PELI2: variants seen among roughly 807,000 people sequenced by gnomAD.
PELI2 encodes the protein E3 ubiquitin-protein ligase pellino homolog 2.
A neutral mutation model predicts 42.3 loss-of-function variants in PELI2; 23 were observed. That is an observed-to-expected ratio of 0.54 (90% CI 0.39 to 0.77). The LOEUF is 0.77. Ranked by LOEUF, PELI2 falls within the 30% of genes least tolerant of loss-of-function variation. The probability of loss-of-function intolerance (pLI) is 0.00; values close to 1 mark genes in which losing one functional copy is unlikely to be tolerated. For missense variants in PELI2, 463 were observed against 553.2 expected (o/e 0.84, Z 1.64); for synonymous variants, 245 against 212.2 (o/e 1.15, Z -1.34).
At chr14:56,176,480 A>G (rs906897353) in intron 1 of PELI2, among the ~76,000 whole-genome samples, 8 of 152,210 alleles carry the variant, frequency 5.3e-5, no homozygotes, top group Non-Finnish European at 1.2e-4. Flanking sequence ...AAAGGCATGC[A>G]GTTAACATAG....
intron 1 of PELI2, among the ~76,000 whole-genome samples, chr14:56,142,235 GACATGCCACTT>G (rs1883938701): frequency 6.6e-6 from 1 of 152,100 alleles, no homozygotes; most frequent in Non-Finnish European, 1.5e-5. Flanking sequence ...ATAGAATCAA[GACATGCCACTT>G]CTTGAATGCT....
intron 1 of PELI2, among the ~76,000 whole-genome samples, chr14:56,162,106 G>A (rs1386346191): frequency 2.6e-5 from 4 of 152,182 alleles, no homozygotes; most frequent in Non-Finnish European, 5.9e-5. Context: ...CCTCAAGCAT[G>A]TGAGTTACAC....
chr14:56,193,673 A>C (rs1886030845), intron 2 of PELI2, among the ~76,000 whole-genome samples: 1 of 152,252 alleles, frequency 6.6e-6, no homozygotes, highest in African/African-American at 2.4e-5. Flanking sequence ...CATATGAGTT[A>C]ATCTCAAATA....
chr14:56,217,786 C>T (rs1886964837), intron 2 of PELI2, among the ~76,000 whole-genome samples: 1 of 152,150 alleles, frequency 6.6e-6, no homozygotes, highest in Non-Finnish European at 1.5e-5. Flanking sequence ...GCCCAACGTG[C>T]TGTCACTTCT....
intron 3 of PELI2, among the ~76,000 whole-genome samples, chr14:56,280,289 T>C (rs1889435671): frequency 6.6e-6 from 1 of 152,076 alleles, no homozygotes; most frequent in South Asian, 2.1e-4. Flanking sequence ...AGTTCTTTTT[T>C]GACAAAGTAC....
chr14:56,243,648 T>A (rs900420052), intron 2 of PELI2, among the ~76,000 whole-genome samples: 3 of 152,230 alleles, frequency 2.0e-5, no homozygotes, highest in African/African-American at 7.2e-5. Context: ...CATTTTTGGG[T>A]CATTATTATT....
chr14:56,223,883 C>G (rs541239665), intron 2 of PELI2, among the ~76,000 whole-genome samples: 1 of 152,080 alleles, frequency 6.6e-6, no homozygotes, highest in Non-Finnish European at 1.5e-5. Flanking sequence ...TTTACCAGTT[C>G]GTGTCATATA....
intron 1 of PELI2, among the ~76,000 whole-genome samples, chr14:56,168,049 C>T (rs976399369): frequency 1.3e-5 from 2 of 152,330 alleles, no homozygotes; most frequent in South Asian, 4.1e-4. Flanking sequence ...TCTGAGCCAC[C>T]TAACGCTGGG....
intron 2 of PELI2, among the ~76,000 whole-genome samples, chr14:56,220,836 C>T (rs1262483266): frequency 1.3e-5 from 2 of 152,118 alleles, no homozygotes; most frequent in East Asian, 1.9e-4. Flanking sequence ...ACTTGTTTGA[C>T]TAAAATTCAG....
intron 2 of PELI2, among the ~76,000 whole-genome samples, chr14:56,232,033 C>A (rs1293790067): frequency 1.3e-5 from 2 of 152,182 alleles, no homozygotes; most frequent in Non-Finnish European, 2.9e-5. Context: ...TTCCTCGACA[C>A]ATACACCCTC....
At chr14:56,138,541 G>T (rs1883769431) in intron 1 of PELI2, among the ~76,000 whole-genome samples, 1 of 152,056 alleles carries the variant, frequency 6.6e-6, no homozygotes, top group East Asian at 1.9e-4. Flanking sequence ...TGAAACGACA[G>T]CTGCTTAATA....
chr14:56,139,887 TAA>T (rs35074755), intron 1 of PELI2, among the ~76,000 whole-genome samples: 1 of 142,778 alleles, frequency 7.0e-6, no homozygotes, highest in Non-Finnish European at 1.5e-5. Context: ...GCTTCTTTAC[TAA>T]AAAAAAAAGG....
intron 1 of PELI2, among the ~76,000 whole-genome samples, chr14:56,135,045 C>T (rs3783655): frequency 0.16 from 24,588 of 152,060 alleles, 2,530 homozygotes; most frequent in Non-Finnish European, 0.23. Context: ...TTAAAAATTA[C>T]GTGTATAGTG....
intron 1 of PELI2, among the ~76,000 whole-genome samples, chr14:56,136,965 TC>T (rs1466207859): frequency 6.6e-6 from 1 of 152,218 alleles, no homozygotes; most frequent in Non-Finnish European, 1.5e-5. Flanking sequence ...GCTTCACACT[TC>T]CTTGCCTTCT....
chr14:56,234,797 T>C (rs1319073247), intron 2 of PELI2, among the ~76,000 whole-genome samples: 1 of 152,042 alleles, frequency 6.6e-6, no homozygotes, highest in Non-Finnish European at 1.5e-5. Context: ...TGTGAGTGTA[T>C]TTGCGCTAAT....
chr14:56,178,270 C>CT (rs1725648024), intron 1 of PELI2, 65 bp from the exon 2 acceptor site: 1 of 1,562,690 alleles, frequency 6.4e-7, no homozygotes, highest in Admixed American at 1.7e-5. Context: ...TTCAATACCT[C>CT]TAACTTTTAT....
chr14:56,185,105 A>G (rs1180554685), intron 2 of PELI2, among the ~76,000 whole-genome samples: 2 of 152,126 alleles, frequency 1.3e-5, no homozygotes, highest in Non-Finnish European at 2.9e-5. Flanking sequence ...CCTGACATGA[A>G]TAACTTTAAT....
At chr14:56,148,180 C>CT (rs1478506071) in intron 1 of PELI2, among the ~76,000 whole-genome samples, 1 of 152,134 alleles carries the variant, frequency 6.6e-6, no homozygotes, top group African/African-American at 2.4e-5. Flanking sequence ...AATCACTGAG[C>CT]TTTTTTTACT....
At chr14:56,212,650 C>T (rs1178608284) in intron 2 of PELI2, among the ~76,000 whole-genome samples, 1 of 152,236 alleles carries the variant, frequency 6.6e-6, no homozygotes, top group Non-Finnish European at 1.5e-5. Flanking sequence ...GATCACAGTC[C>T]TGCCTGTGGC....
Sources: allele counts gnomAD v4.1 joint callset (sites outside exome capture counted in the v4.1 genomes callset), GRCh38; gene constraint gnomAD v4.1.1; transcripts MANE v1.5; gene names NCBI Gene and HGNC (gene_info 2026-07-23, HGNC 2026-07-21).